The following ABCA13 variants were observed in gnomAD, a reference collection of about 807,000 sequenced individuals.
The protein encoded by ABCA13 is ATP-binding cassette sub-family A member 13.
In ABCA13, 476 loss-of-function variants were observed where a neutral mutation model predicts 478.7. That is an observed-to-expected ratio of 0.99 (90% CI 0.92 to 1.07). The LOEUF (loss-of-function observed/expected upper bound fraction) is 1.07, where lower values mean the gene tolerates loss of function less well. ABCA13 is among the 50% of genes least tolerant of loss of function. The pLI, the probability that ABCA13 is intolerant of heterozygous loss-of-function variation, is 0.00. For missense variants in ABCA13, 6,060 were observed against 5,910.6 expected, an observed-to-expected ratio of 1.03 and a Z score of -0.83; for synonymous variants, 2,252 against 2,158.9, an observed-to-expected ratio of 1.04 and a Z score of -1.20.
Position 48,530,219 on chromosome 7 carries a change from A to G in ABCA13, c.14354+1874A>G, listed in dbSNP as rs112118022. ...TTTTCATTCCTGAGTTACTTCACTT[A>G]GAATAATAGTCTCCAGTTCCATCCA... On this transcript the variant is annotated intron_variant, in intron 55 of 61. Coordinates refer to ENST00000435803, the MANE Select transcript of ABCA13 (RefSeq NM_152701.5). 6.3e-3 allele frequency among the ~76,000 whole-genome samples: 961 copies of G among 152,206 alleles called. 12 individuals carry two copies. Among genetic ancestry groups the G allele is most frequent in the African/African-American group, 0.022 (922 of 41,548 alleles).
rs1806204309 is a variant in ABCA13, at chr7:48,336,004, G to GCTTCAA, written c.10113+473_10113+478dup. The stretch of plus-strand genomic sequence containing the variant: ...TAATAATTTTTTGGGCATTTGTGTA[G>GCTTCAA]CTTCAACTTACCTTAACTCTGATAG... On this transcript the variant is annotated intron_variant, in intron 28 of 61. Transcript: ENST00000435803. 2.0e-5 allele frequency among the ~76,000 whole-genome samples: 3 copies of GCTTCAA among 152,300 alleles called. 1 individual carries two copies. The South Asian group carries it at 6.2e-4, about 32-fold the overall frequency.
intron 55 of ABCA13, among the ~76,000 whole-genome samples, chr7:48,542,887 G>C (rs1216065798): frequency 6.6e-6 from 1 of 151,680 alleles, no homozygotes; most frequent in Admixed American, 6.6e-5. Context: ...AGAATAGGTT[G>C]ATAATGGCTA....
chr7:48,551,039 T>C (rs1049017456), intron 55 of ABCA13, among the ~76,000 whole-genome samples: 1 of 151,844 alleles, frequency 6.6e-6, no homozygotes, highest in East Asian at 1.9e-4. Context: ...ATGCAATATC[T>C]AAATAAATCA....
At chr7:48,498,558 A>G (rs1186773732) in intron 48 of ABCA13, among the ~76,000 whole-genome samples, 8 of 152,088 alleles carry the variant, frequency 5.3e-5, no homozygotes, top group Non-Finnish European at 1.0e-4. Context: ...GGGCTGCTCC[A>G]TCTAGGAGGA....
At chr7:48,291,592 C>T (rs1351446486) in intron 20 of ABCA13, among the ~76,000 whole-genome samples, 1 of 152,110 alleles carries the variant, frequency 6.6e-6, no homozygotes, top group East Asian at 1.9e-4. Context: ...ATGCAATGTC[C>T]GCTTCTTAAT....
rs1789577487 is a variant in ABCA13, at chr7:48,234,074, T to C, written c.820T>C (p.Tyr274His). Residue 274 changes from tyrosine to histidine, a missense_variant, in exon 8 of 62, where the codon TAT becomes CAT. By Grantham distance (83) the Tyr-to-His change is moderately conservative. This residue lies in a region of ABCA13 where 4,423 missense variants were observed against 4,309.1 expected (regional missense o/e 1.03). Coordinates refer to ENST00000435803, the MANE Select transcript of ABCA13 (RefSeq NM_152701.5). ...NIVWDPQKVQYDLKSQFGFDD... is the reference protein window; with the variant it reads ...NIVWDPQKVQHDLKSQFGFDD... ...AGTGTGGGATCCACAGAAAGTCCAG[T>C]ATGATCTCAAATCCCAGTTTGGCTT... 1 of 1,614,046 alleles carries C rather than the reference T, an allele frequency of 6.2e-7. No homozygotes were observed. Among genetic ancestry groups the C allele is most frequent in the Middle Eastern group, 1.6e-4 (1 of 6,062 alleles).
At chr7:48,320,007 C>A (rs537891906) in intron 27 of ABCA13, among the ~76,000 whole-genome samples, 1 of 152,286 alleles carries the variant, frequency 6.6e-6, no homozygotes, top group Non-Finnish European at 1.5e-5. Flanking sequence ...GCTGTGTGCA[C>A]CTCCATCTAT....
intron 34 of ABCA13, among the ~76,000 whole-genome samples, chr7:48,375,529 C>T (rs760152667): frequency 4.6e-5 from 7 of 151,918 alleles, no homozygotes; most frequent in Non-Finnish European, 8.8e-5. Flanking sequence ...CTATTGGCAG[C>T]ATTTTTTGCT....
At chr7:48,359,353 C>T (rs866722215) in intron 31 of ABCA13, among the ~76,000 whole-genome samples, 4 of 152,106 alleles carry the variant, frequency 2.6e-5, no homozygotes, top group Middle Eastern at 3.4e-3. Context: ...CCTTACTTCA[C>T]CTTCCCTGAC....
At chr7:48,586,300 T>G (rs553965990) in intron 56 of ABCA13, among the ~76,000 whole-genome samples, 1 of 152,162 alleles carries the variant, frequency 6.6e-6, no homozygotes, top group African/African-American at 2.4e-5. Flanking sequence ...TCTAGTTACT[T>G]TATAAACCAA....
At chr7:48,390,416 A>G (rs899273365) in intron 37 of ABCA13, among the ~76,000 whole-genome samples, 5 of 152,200 alleles carry the variant, frequency 3.3e-5, no homozygotes, top group Admixed American at 2.6e-4. Flanking sequence ...TGTATAAACT[A>G]TTTTATAGTA....
intron 55 of ABCA13, among the ~76,000 whole-genome samples, chr7:48,576,951 T>A (rs930477902): frequency 6.6e-6 from 1 of 152,088 alleles, no homozygotes; most frequent in African/African-American, 2.4e-5. Flanking sequence ...TCCCCAAATA[T>A]TTGGACATTA....
intron 38 of ABCA13, among the ~76,000 whole-genome samples, chr7:48,393,931 G>T (rs1353980142): frequency 1.3e-5 from 2 of 152,138 alleles, no homozygotes; most frequent in Non-Finnish European, 2.9e-5. Flanking sequence ...CTTCCTGCCT[G>T]CTGTCGGCTT....
chr7:48,619,330 A>T (rs1321623703), intron 59 of ABCA13, among the ~76,000 whole-genome samples: 1 of 151,966 alleles, frequency 6.6e-6, no homozygotes, highest in Non-Finnish European at 1.5e-5. Context: ...GCCTCTGAGA[A>T]AAAAAAATGC....
intron 47 of ABCA13, among the ~76,000 whole-genome samples, chr7:48,486,117 C>T (rs928490362): frequency 2.6e-5 from 4 of 152,150 alleles, no homozygotes; most frequent in Non-Finnish European, 2.9e-5. Flanking sequence ...GCTACTCTCA[C>T]GATCTTGTTG....
intron 5 of ABCA13, among the ~76,000 whole-genome samples, chr7:48,225,090 C>T (rs1320773394): frequency 2.0e-5 from 3 of 147,284 alleles, no homozygotes; most frequent in East Asian, 2.0e-4. Context: ...GGATTATAGG[C>T]GTTAATCACC....
intron 60 of ABCA13, 124 bp downstream of exon 60, chr7:48,643,517 C>T: frequency 1.2e-6 from 1 of 804,836 alleles, no homozygotes; most frequent in African/African-American, 1.7e-5. Context: ...AGCCACATTG[C>T]AAAGTATAGG....
In ABCA13 at chr7:48,273,797, G is replaced by A. The variant is rs1047544275; in HGVS notation, c.4131G>A (p.Thr1377=). The A allele has an allele frequency of 9.3e-6, 15 of 1,611,122 alleles. No homozygotes were observed. The highest frequency in any genetic ancestry group is 4.5e-5 in the East Asian group (2 of 44,762). The change falls in exon 17 of 62, where the codon ACG becomes ACA. Residue 1377 remains threonine, a synonymous_variant. Coordinates refer to ENST00000435803, the MANE Select transcript of ABCA13 (RefSeq NM_152701.5). ...TSQRMLRILD[T]LNSTFSSENT... ...AGAGGATGTTACGTATTCTAGACAC[G>A]TTAAATTCCACATTTTCCTCTGAGA...
At chr7:48,302,549 A>C (rs563481459) in intron 23 of ABCA13, among the ~76,000 whole-genome samples, 1 of 152,096 alleles carries the variant, frequency 6.6e-6, no homozygotes, top group East Asian at 1.9e-4. Flanking sequence ...CTTTGTAGCC[A>C]TGTGTTCTCA....
Sources: allele counts gnomAD v4.1 joint callset (sites outside exome capture counted in the v4.1 genomes callset), GRCh38; gene constraint gnomAD v4.1.1; regional missense constraint gnomAD v4.1.1; transcripts MANE v1.5; gene names NCBI Gene and HGNC (gene_info 2026-07-23, HGNC 2026-07-21).